MUC22: variants seen among roughly 807,000 people sequenced by gnomAD.
MUC22 encodes mucin 22.
In MUC22, 24 loss-of-function variants were observed where a neutral mutation model predicts 40.3. The observed-to-expected ratio is 0.60, with a 90% confidence interval of 0.43 to 0.84. The LOEUF (loss-of-function observed/expected upper bound fraction) is 0.84, where lower values mean the gene tolerates loss of function less well. Ranked by LOEUF, MUC22 falls within the 40% of genes least tolerant of loss-of-function variation. MUC22 has a pLI of 0.00. For synonymous variants in MUC22, 765 were observed against 844.5 expected (o/e 0.91, Z 1.63); for missense variants, 1,926 against 2,130.7 (o/e 0.90, Z 1.89).
intron 1 of MUC22, among the ~76,000 whole-genome samples, chr6:31,021,958 G>A (rs374756987): frequency 1.2e-4 from 18 of 152,018 alleles, no homozygotes; most frequent in South Asian, 2.1e-4. Flanking sequence ...CACCGTAAAG[G>A]TCTGCAGCTT....
chr6:31,010,418 G>A, upstream of MUC22: 1 of 383,220 alleles, frequency 2.6e-6, no homozygotes, highest in Non-Finnish European at 4.7e-6. Flanking sequence ...AGGACCCAAA[G>A]TTCTGGCCTC....
Sources: gnomAD v4.1 joint callset for allele counts (sites outside exome capture counted in the v4.1 genomes callset) on GRCh38, gnomAD v4.1.1 for gene constraint, MANE v1.5 for transcripts, NCBI Gene and HGNC (gene_info 2026-07-23, HGNC 2026-07-21) for gene names.